Variants in WDR70 observed in about 807,000 individuals in gnomAD.
The protein encoded by WDR70 is WD repeat-containing protein 70.
In WDR70, 53 loss-of-function variants were observed where a neutral mutation model predicts 88.6. The ratio of observed to expected loss-of-function variants is 0.60; its 90% CI spans 0.48 to 0.75. WDR70 has a LOEUF of 0.75. WDR70 is among the 30% of genes least tolerant of loss of function. WDR70 has a pLI of 0.00. For synonymous variants in WDR70, 280 were observed against 270.0 expected (o/e 1.04, Z -0.36); for missense variants, 610 against 823.2 (o/e 0.74, Z 3.17).
At chr5:37,382,568 C>T (rs565414150) in intron 3 of WDR70, among the ~76,000 whole-genome samples, 10 of 152,108 alleles carry the variant, frequency 6.6e-5, no homozygotes, top group South Asian at 4.2e-4. Context: ...TACGCCACCA[C>T]GCCCAGCTAA....
intron 10 of WDR70, among the ~76,000 whole-genome samples, chr5:37,676,295 G>A (rs1411447492): frequency 6.6e-6 from 1 of 151,524 alleles, no homozygotes; most frequent in Non-Finnish European, 1.5e-5. Flanking sequence ...GTGAGAGAGG[G>A]CATCCCTGTC....
At chr5:37,631,070 C>A (rs748178335) in intron 10 of WDR70, among the ~76,000 whole-genome samples, 9 of 152,156 alleles carry the variant, frequency 5.9e-5, no homozygotes, top group Non-Finnish European at 1.3e-4. Context: ...CAGATCTGAT[C>A]CAGGTCGGGG....
chr5:37,625,828 C>G (rs190613624), intron 10 of WDR70, among the ~76,000 whole-genome samples: 1 of 152,214 alleles, frequency 6.6e-6, no homozygotes, highest in East Asian at 1.9e-4. Flanking sequence ...CTCTCCCAGC[C>G]TGCCCATATT....
chr5:37,675,734 T>G (rs938584581), intron 10 of WDR70, among the ~76,000 whole-genome samples: 6 of 152,194 alleles, frequency 3.9e-5, no homozygotes, highest in Admixed American at 3.9e-4. Flanking sequence ...TTTGATTCCA[T>G]ATGAACTTCA....
intron 3 of WDR70, 151 bp from the exon 4 acceptor site, chr5:37,391,849 C>T: frequency 1.3e-6 from 1 of 757,916 alleles, no homozygotes; most frequent in Non-Finnish European, 2.0e-6. Flanking sequence ...TACTGTTTTC[C>T]AGTGGCTGTG....
chr5:37,379,685 A>G, intron 2 of WDR70, 131 bp downstream of exon 2: 2 of 972,184 alleles, frequency 2.1e-6, no homozygotes, highest in Non-Finnish European at 3.2e-6. Flanking sequence ...GTTTGTCAAT[A>G]TTCTTCTCCC....
At chr5:37,592,077 A>G (rs1433600423) in intron 9 of WDR70, among the ~76,000 whole-genome samples, 1 of 152,194 alleles carries the variant, frequency 6.6e-6, no homozygotes, top group African/African-American at 2.4e-5. Context: ...TCAAATATCT[A>G]TTATCCAAAA....
At chr5:37,398,473 T>C (rs1422118500) in intron 5 of WDR70, among the ~76,000 whole-genome samples, 2 of 152,176 alleles carry the variant, frequency 1.3e-5, no homozygotes, top group African/African-American at 4.8e-5. Context: ...TGAAAAGTAA[T>C]CAGAAAAGCA....
At chr5:37,566,756 G>A (rs79515239) in intron 9 of WDR70, among the ~76,000 whole-genome samples, 9,278 of 152,254 alleles carry the variant, frequency 0.061, 368 homozygotes, top group South Asian at 0.13. Context: ...ATAAGGCCTG[G>A]TTTTGCCTCG....
intron 5 of WDR70, among the ~76,000 whole-genome samples, chr5:37,415,616 C>CA (rs1491191117): frequency 3.2e-5 from 3 of 94,540 alleles, no homozygotes; most frequent in African/African-American, 6.0e-5. Context: ...GAGGGGCTGA[C>CA]CCCCCCCACC....
intron 10 of WDR70, among the ~76,000 whole-genome samples, chr5:37,618,486 A>G (rs1310004138): frequency 1.3e-5 from 2 of 152,148 alleles, no homozygotes; most frequent in African/African-American, 4.8e-5. Flanking sequence ...CTCCTGCCTC[A>G]GCCTCCCAAG....
intron 7 of WDR70, among the ~76,000 whole-genome samples, chr5:37,446,116 A>G (rs1738469226): frequency 6.6e-6 from 1 of 152,224 alleles, no homozygotes; most frequent in African/African-American, 2.4e-5. Context: ...TCAATGTGCA[A>G]AAATCACAAG....
At chr5:37,415,854 G>A (rs562315011) in intron 5 of WDR70, among the ~76,000 whole-genome samples, 68 of 146,268 alleles carry the variant, frequency 4.6e-4, no homozygotes, top group African/African-American at 1.6e-3. Context: ...GGGCAGAGGC[G>A]CTCCTCACAT....
At chr5:37,428,525 A>G (rs768889628) in intron 5 of WDR70, among the ~76,000 whole-genome samples, 2 of 152,232 alleles carry the variant, frequency 1.3e-5, no homozygotes, top group African/African-American at 4.8e-5. Flanking sequence ...GAAACACTGT[A>G]CAAACTCTTC....
chr5:37,386,571 G>A (rs539554610), intron 3 of WDR70, among the ~76,000 whole-genome samples: 7 of 152,098 alleles, frequency 4.6e-5, no homozygotes, highest in East Asian at 3.9e-4. Flanking sequence ...CAAGTGATCC[G>A]CCTGCCTCAA....
At chr5:37,624,266 CTGTT>C (rs1408972078) in intron 10 of WDR70, among the ~76,000 whole-genome samples, 1 of 152,118 alleles carries the variant, frequency 6.6e-6, no homozygotes, top group African/African-American at 2.4e-5. Flanking sequence ...ATGAGATCAA[CTGTT>C]TTTCTCTCAC....
intron 10 of WDR70, among the ~76,000 whole-genome samples, chr5:37,691,342 A>G (rs1165143466): frequency 6.6e-6 from 1 of 152,226 alleles, no homozygotes; most frequent in Non-Finnish European, 1.5e-5. Context: ...ACTTGAACTC[A>G]GCTCTGCACC....
chr5:37,633,953 G>A (rs924107493), intron 10 of WDR70, among the ~76,000 whole-genome samples: 8 of 151,938 alleles, frequency 5.3e-5, no homozygotes, highest in African/African-American at 1.9e-4. Context: ...GATAGACTTG[G>A]ACCAAGTGAT....
intron 13 of WDR70, among the ~76,000 whole-genome samples, chr5:37,706,237 T>A (rs1747317043): frequency 6.6e-6 from 1 of 152,266 alleles, no homozygotes; most frequent in Non-Finnish European, 1.5e-5. Flanking sequence ...GTCTGTTTGC[T>A]AGGAGATGGT....
Sources: allele counts gnomAD v4.1 joint callset (sites outside exome capture counted in the v4.1 genomes callset), GRCh38; gene constraint gnomAD v4.1.1; transcripts MANE v1.5; gene names NCBI Gene and HGNC (gene_info 2026-07-23, HGNC 2026-07-21).